ADGRB2: variants seen among roughly 807,000 people sequenced by gnomAD.
ADGRB2 encodes adhesion G protein-coupled receptor B2.
In ADGRB2, 47 loss-of-function variants were observed where a neutral mutation model predicts 178.7. That is an observed-to-expected ratio of 0.26 (90% CI 0.21 to 0.34). The LOEUF (loss-of-function observed/expected upper bound fraction) is 0.34, where lower values mean the gene tolerates loss of function less well. Among genes scored for constraint, ADGRB2 ranks in the 10% least tolerant of loss-of-function variants. The pLI is 1.00. For synonymous variants in ADGRB2, 870 were observed against 912.4 expected, an observed-to-expected ratio of 0.95 and a Z score of 0.84; for missense variants, 1,584 against 2,180.8, an observed-to-expected ratio of 0.73 and a Z score of 5.45.
At position 31,755,056 on chromosome 1, in the gene ADGRB2, CAG is replaced by C. The variant is rs918165737; in HGVS notation, c.838+941_838+942del. The stretch of plus-strand genomic sequence containing the variant: ...TATCCCAAATGGGGAAACTGAGGCC[CAG>C]AGAGAGGAGAGGCCTCCCTGTCGGT... On this transcript the variant is annotated intron_variant, in intron 4 of 32. Transcript: ENST00000373658. This position sits in a 1 kb window ranked among gnomAD's most constrained non-coding sequence, Gnocchi z 5.1. Among the ~76,000 whole-genome samples the C allele has an allele frequency of 6.6e-6, 1 of 152,226 alleles. No individual in the cohort carries two copies. The highest frequency in any genetic ancestry group is 2.4e-5 in the African/African-American group (1 of 41,460).
Position 31,758,952 on chromosome 1 carries a change from T to G in ADGRB2, c.-190-1441A>C, listed in dbSNP as rs1021851194. 1.3e-5 allele frequency among the ~76,000 whole-genome samples: 2 copies of G among 152,180 alleles called. No individual in the cohort carries two copies. Among genetic ancestry groups the G allele is most frequent in the Non-Finnish European group, 2.9e-5 (2 of 68,026 alleles). On this transcript the variant is annotated intron_variant, in intron 1 of 32. Coordinates refer to ENST00000373658, the MANE Select transcript of ADGRB2 (RefSeq NM_001364857.2). This position sits in a 1 kb window ranked among gnomAD's most constrained non-coding sequence, Gnocchi z 4.2. ...ATCCAATCCCCCTGCTGCCCCCAAT[T>G]ATTTTTAAGCCGCAAAATTCAGGCC...
Position 31,728,169 on chromosome 1 carries a change from G to C in ADGRB2, c.4515+13C>G. 1 of 1,614,080 alleles carries C rather than the reference G, an allele frequency of 6.2e-7. No individual in the cohort carries two copies. Among genetic ancestry groups the C allele is most frequent in the Non-Finnish European group, 8.5e-7 (1 of 1,180,012 alleles). On this transcript the variant is annotated intron_variant, in intron 31 of 32. Transcript: ENST00000373658. The surrounding 1 kb of genome is among the most constrained non-coding windows in gnomAD (Gnocchi z 6.7). The stretch of plus-strand genomic sequence containing the variant: ...AGCTTCAGGGCAGGGGCAGCCACGG[G>C]AGGAGCCCTCACCTTGGCCGTGGAC...
rs1570037095 is a variant in ADGRB2 at position 31,753,055 on chromosome 1, C to T, written c.838+2944G>A. The stretch of plus-strand genomic sequence containing the variant: ...TCTTTCTCCCAAGTATCACTGGGCA[C>T]AGCCATTCCCACTGCCCAGTGCCTC... On this transcript the variant is annotated intron_variant, in intron 4 of 32. Transcript: ENST00000373658. This position sits in a 1 kb window ranked among gnomAD's most constrained non-coding sequence, Gnocchi z 4.1. Among the ~76,000 whole-genome samples, 1 of 152,286 alleles carries T rather than the reference C, an allele frequency of 6.6e-6. No individual in the cohort carries two copies. Among genetic ancestry groups the T allele is most frequent in the South Asian group, 2.1e-4 (1 of 4,828 alleles).
intron 4 of ADGRB2, among the ~76,000 whole-genome samples, chr1:31,752,787 CT>C (rs1646642911): frequency 1.3e-5 from 2 of 151,976 alleles, no homozygotes; most frequent in African/African-American, 4.8e-5. Flanking sequence ...ACACAGATAA[CT>C]GGGGGTTCTG....
At position 31,742,995 on chromosome 1, in the gene ADGRB2, G is replaced by A. The variant is rs1450815825; in HGVS notation, c.1095C>T (p.Gly365=). The A allele has an allele frequency of 1.9e-5, 28 of 1,499,344 alleles. No individual in the cohort carries two copies. The highest frequency in any genetic ancestry group is 2.6e-5 in the East Asian group (1 of 38,370). 92.9% of individuals were successfully genotyped at this position (1,499,344 alleles called of 1,614,324 possible). ...TCCAGGACCCCCACTCCTCCCACAC[G>A]CCGTGCACTGCAAGGAAGCACGTGG... ...CNNSATCPVH[G]VWEEWGSWSL... is the part of the protein sequence containing the mutation. The change falls in exon 7 of 33, where the codon GGC becomes GGT. Residue 365 remains glycine (G), a synonymous_variant. Transcript: ENST00000373658.
chr1:31,747,423 C>T (rs1646333577), intron 4 of ADGRB2, among the ~76,000 whole-genome samples: 2 of 152,136 alleles, frequency 1.3e-5, no homozygotes, highest in African/African-American at 4.8e-5. Flanking sequence ...TTCAGCATGT[C>T]CAAGAAGCCC....
At chr1:31,737,826 A>C in intron 18 of ADGRB2, 71 bp from the exon 19 acceptor site, 1 of 1,380,436 alleles carries the variant, frequency 7.2e-7, no homozygotes, top group Non-Finnish European at 1.0e-6. Flanking sequence ...CTGTCCCCTC[A>C]TCTACCATAG....
rs765935605 is a variant in ADGRB2 at position 31,740,536 on chromosome 1, C to T, written c.1800G>A (p.Arg600=). The T allele has an allele frequency of 2.5e-6, 4 of 1,602,934 alleles. No homozygotes were observed. In the Admixed American group the frequency reaches 6.8e-5, roughly 27 times the overall value. ...HEYRYLYLSL[R]EHLAKGQRML... ...TGCGCTGCCCCTTGGCCAGGTGCTCCCTAAGCTGTAGGTGATGAGGGGGCC... is the reference window on the plus strand; with the variant it reads ...TGCGCTGCCCCTTGGCCAGGTGCTCTCTAAGCTGTAGGTGATGAGGGGGCC... Residue 600 remains arginine, a synonymous_variant, in exon 12 of 33, where the codon AGG becomes AGA. Transcript: ENST00000373658. This position sits in a 1 kb window ranked among gnomAD's most constrained non-coding sequence, Gnocchi z 5.9.
chr1:31,731,321 C>T lies in ADGRB2; in HGVS notation c.3859G>A (p.Val1287Met), dbSNP rs535834452. 59 of 1,612,732 alleles carry T rather than the reference C, an allele frequency of 3.7e-5. No individual in the cohort carries two copies. Among genetic ancestry groups the T allele is most frequent in the South Asian group, 3.5e-4 (32 of 90,992 alleles). The change falls in exon 29 of 33, where the codon GTG becomes ATG. Residue 1287 changes from valine to methionine, a missense_variant. Val to Met is a conservative substitution (Grantham distance 21). Around this residue, in one of 3 missense-constraint regions of ADGRB2, gnomAD observed 865 missense variants for 1,192.8 expected, o/e 0.73. Coordinates refer to ENST00000373658, the MANE Select transcript of ADGRB2 (RefSeq NM_001364857.2). ...DEDEEPKSCL[V>M]GPEGSLSFSP... is the part of the protein sequence containing the mutation. ...AAGCTGAGGCTGCCCTCAGGGCCCA[C>T]GAGGCAGGACTTGGGCTCCTCATCC...
chr1:31,735,381 C>CGA lies in ADGRB2; in HGVS notation c.3354-102_3354-101dup, dbSNP rs763145683. The CGA allele has an allele frequency of 4.2e-5, 47 of 1,110,812 alleles. No individual in the cohort carries two copies. Among genetic ancestry groups the CGA allele is most frequent in the Middle Eastern group, 3.9e-4 (2 of 5,138 alleles). The allele number at this position is 1,110,812 out of a possible 1,614,324, so 68.8% of individuals were successfully genotyped here. ...GAGTGGGGTGGGAGGGGAGGGCAGA[C>CGA]GAGAGAGAGAGAGCTGGGTTAGGGT... On this transcript the variant is annotated intron_variant, in intron 24 of 32. Transcript: ENST00000373658. This position sits in a 1 kb window ranked among gnomAD's most constrained non-coding sequence, Gnocchi z 6.0.
intron 4 of ADGRB2, among the ~76,000 whole-genome samples, chr1:31,748,740 G>A (rs1646406545): frequency 6.6e-6 from 1 of 152,274 alleles, no homozygotes; most frequent in South Asian, 2.1e-4. Flanking sequence ...ACAAACAGAT[G>A]TGCTGCCTGG....
At position 31,737,680 on chromosome 1, in the gene ADGRB2, G is replaced by C; in HGVS notation, c.2848C>G (p.Leu950Val). Residue 950 changes from leucine to valine, a missense_variant, in exon 19 of 33, where the codon CTG (leucine) becomes GTG (valine). Physicochemically the swap from Leu to Val is conservative, Grantham distance 32. This residue lies in a region of ADGRB2 where 865 missense variants were observed against 1,192.8 expected (regional missense o/e 0.73). Coordinates refer to ENST00000373658, the MANE Select transcript of ADGRB2 (RefSeq NM_001364857.2). ...CAAAAGGCGGCATAGATGGCGAGCA[G>C]GGTGAGCAGCGCCATGCACGACACT... ...CAVSCMALLT[L>V]LAIYAAFWRF... 2 of 1,613,822 alleles carry C rather than the reference G, an allele frequency of 1.2e-6. No homozygotes were observed. Among genetic ancestry groups the C allele is most frequent in the African/African-American group, 2.7e-5 (2 of 75,038 alleles).
At chr1:31,751,825 T>C (rs1646587212) in intron 4 of ADGRB2, among the ~76,000 whole-genome samples, 1 of 152,210 alleles carries the variant, frequency 6.6e-6, no homozygotes, top group South Asian at 2.1e-4. Context: ...AATCCCTTAC[T>C]CTTCCTCTTC....
Position 31,744,329 on chromosome 1 carries a change from C to T in ADGRB2, c.951G>A (p.Pro317=), listed in dbSNP as rs1288685563. 7 of 1,551,044 alleles carry T rather than the reference C, an allele frequency of 4.5e-6. No homozygotes were observed. The highest frequency in any genetic ancestry group is 2.4e-5 in the South Asian group (2 of 84,022). ...TGDPAAEEWS[P]WSVCSLTCGQ... ...CACACGTCAGGGAACACACGCTCCA[C>T]GGGGACCACTCCTCAGCCGCCGGGT... Residue 317 remains proline (P), a synonymous_variant, in exon 6 of 33, where the codon CCG becomes CCA. Coordinates refer to ENST00000373658, the MANE Select transcript of ADGRB2 (RefSeq NM_001364857.2). This position sits in a 1 kb window ranked among gnomAD's most constrained non-coding sequence, Gnocchi z 6.7.
Position 31,728,746 on chromosome 1 carries a change from C to G in ADGRB2, c.4381-113G>C. 7.5e-7 allele frequency: 1 copy of G among 1,337,810 alleles called. No individual in the cohort carries two copies. The highest frequency in any genetic ancestry group is 1.1e-6 in the Non-Finnish European group (1 of 942,418). 82.9% of individuals were successfully genotyped at this position (1,337,810 alleles called of 1,614,324 possible). ...AGGGGTCTGCCCGCTGCACCTTCCC[C>G]CCAACCCAGGCCCAGAAGTTGCGGA... On this transcript the variant is annotated intron_variant, in intron 29 of 32. Transcript: ENST00000373658. This position sits in a 1 kb window ranked among gnomAD's most constrained non-coding sequence, Gnocchi z 6.7.
At position 31,740,178 on chromosome 1, in the gene ADGRB2, G is replaced by A. The variant is rs991352989; in HGVS notation, c.1990C>T (p.Arg664Cys). 7.4e-6 allele frequency: 12 copies of A among 1,614,048 alleles called. No individual in the cohort carries two copies. The highest frequency in any genetic ancestry group is 1.7e-4 in the Middle Eastern group (1 of 6,060). The change falls in exon 13 of 33, where the codon CGC becomes TGC. Residue 664 changes from arginine (R) to cysteine (C), a missense_variant and splice_region_variant. Around this residue, in one of 3 missense-constraint regions of ADGRB2, gnomAD observed 62 missense variants for 140.3 expected, o/e 0.44. Coordinates refer to ENST00000373658, the MANE Select transcript of ADGRB2 (RefSeq NM_001364857.2). This position sits in a 1 kb window ranked among gnomAD's most constrained non-coding sequence, Gnocchi z 5.9. The stretch of plus-strand genomic sequence containing the variant: ...ATGAAGCTCACCACCTGGAAGAAGC[G>A]CTGAGGAGAGAGCAATGAGTGGCAG... ...TYVPSADDVQ[R>C]FFQVVSFMVD...
Position 31,731,072 on chromosome 1 carries a change from C to T in ADGRB2, c.4108G>A (p.Gly1370Ser), listed in dbSNP as rs1456253339. 6.3e-7 allele frequency: 1 copy of T among 1,576,324 alleles called. No individual in the cohort carries two copies. The highest frequency in any genetic ancestry group is 8.6e-7 in the Non-Finnish European group (1 of 1,161,128). ...SLQPGGGGGGGEDAPRARPEG... is the reference protein window; with the variant it reads ...SLQPGGGGGGSEDAPRARPEG... ...GGCCGGGCCCTGGGGGCATCCTCAC[C>T]ACCTCCACCCCCACCGCCAGGCTGC... The change falls in exon 29 of 33, where the codon GGT becomes AGT. Residue 1370 changes from glycine (G) to serine (S), a missense_variant. Physicochemically the swap from Gly to Ser is moderately conservative, Grantham distance 56. Coordinates refer to ENST00000373658, the MANE Select transcript of ADGRB2 (RefSeq NM_001364857.2).
intron 15 of ADGRB2, 25 bp from the exon 16 acceptor site, chr1:31,738,962 C>T: frequency 6.4e-7 from 1 of 1,572,404 alleles, no homozygotes; most frequent in Non-Finnish European, 8.7e-7. Context: ...CCGAAGTCAG[C>T]TCCTGCCAGC....
rs781754815 is a variant in ADGRB2 at position 31,728,099 on chromosome 1, G to A, written c.4516-18C>T. 44 of 1,610,934 alleles carry A rather than the reference G, an allele frequency of 2.7e-5. No individual in the cohort carries two copies. Among genetic ancestry groups the A allele is most frequent in the East Asian group, 6.7e-5 (3 of 44,834 alleles). On this transcript the variant is annotated intron_variant, in intron 31 of 32. Transcript: ENST00000373658. The surrounding 1 kb of genome is among the most constrained non-coding windows in gnomAD (Gnocchi z 6.7). ...TTCTCCCTCTGCAACGGGGGCCACC[G>A]GTCAGGCTCCAACCCCAGGGGCCAC...
Sources: gnomAD v4.1 joint callset for allele counts (sites outside exome capture counted in the v4.1 genomes callset) on GRCh38, gnomAD v4.1.1 for gene constraint, gnomAD v4.1.1 regional missense constraint, Gnocchi (gnomAD v3.1) non-coding constraint, MANE v1.5 for transcripts, NCBI Gene and HGNC (gene_info 2026-07-23, HGNC 2026-07-21) for gene names.